UBE2W: variants seen among roughly 807,000 people sequenced by gnomAD.
UBE2W encodes ubiquitin-conjugating enzyme E2 W.
Under a neutral mutation model 27.2 loss-of-function variants are expected in UBE2W, and 18 were observed. That is an observed-to-expected ratio of 0.66 (90% CI 0.46 to 0.98). UBE2W has a LOEUF of 0.98. UBE2W is among the 50% of genes least tolerant of loss of function. The probability of loss-of-function intolerance (pLI) is 0.00; values close to 1 mark genes in which losing one functional copy is unlikely to be tolerated. For synonymous variants in UBE2W, 53 were observed against 57.2 expected, an observed-to-expected ratio of 0.93 and a Z score of 0.33; for missense variants, 90 against 180.2, an observed-to-expected ratio of 0.50 and a Z score of 2.87.
At chr8:73,860,136 G>A (rs564963127) in intron 1 of UBE2W, among the ~76,000 whole-genome samples, 1 of 151,690 alleles carries the variant, frequency 6.6e-6, no homozygotes, top group East Asian at 1.9e-4. Flanking sequence ...ATCTACTATG[G>A]GGGGCAGGGG....
intron 5 of UBE2W, among the ~76,000 whole-genome samples, chr8:73,804,940 C>G (rs557652165): frequency 1.3e-3 from 202 of 151,934 alleles, no homozygotes; most frequent in Non-Finnish European, 2.2e-3. Context: ...CCAAGCTAGT[C>G]TTGAACTCCT....
At chr8:73,859,413 G>A (rs1342516053) in intron 1 of UBE2W, among the ~76,000 whole-genome samples, 1 of 152,220 alleles carries the variant, frequency 6.6e-6, no homozygotes, top group East Asian at 1.9e-4. Context: ...GGCTGAAGCA[G>A]GAGAATCACT....
intron 1 of UBE2W, among the ~76,000 whole-genome samples, chr8:73,843,238 C>G (rs1351837438): frequency 1.3e-5 from 2 of 151,982 alleles, no homozygotes; most frequent in Non-Finnish European, 2.9e-5. Flanking sequence ...TAAAGATGTT[C>G]TAAAGTCAGA....
intron 5 of UBE2W, among the ~76,000 whole-genome samples, chr8:73,795,327 T>C (rs1341183357): frequency 6.6e-6 from 1 of 152,130 alleles, no homozygotes; most frequent in Admixed American, 6.6e-5. Context: ...TTAGTTCACA[T>C]GAGATCTGGC....
chr8:73,813,646 CCAGAGGTGAATTTACAT>C (rs1298393479), intron 3 of UBE2W, among the ~76,000 whole-genome samples: 3 of 114,774 alleles, frequency 2.6e-5, no homozygotes, highest in African/African-American at 1.1e-4. Flanking sequence ...AATTTACATG[CCAGAGGTGAATTTACAT>C]GCCAGAGGTG....
chr8:73,849,348 C>T (rs1008512930), intron 1 of UBE2W, among the ~76,000 whole-genome samples: 12 of 151,570 alleles, frequency 7.9e-5, no homozygotes, highest in Non-Finnish European at 1.6e-4. Flanking sequence ...CCCGTCTCTA[C>T]TAAAAATACA....
intron 1 of UBE2W, among the ~76,000 whole-genome samples, chr8:73,874,715 C>A (rs1275824780): frequency 1.3e-5 from 2 of 152,176 alleles, no homozygotes. Flanking sequence ...AAATGTAGAT[C>A]TGTTTAACTC....
At chr8:73,800,167 G>T (rs948604334) in intron 5 of UBE2W, among the ~76,000 whole-genome samples, 2 of 150,842 alleles carry the variant, frequency 1.3e-5, no homozygotes, top group African/African-American at 5.0e-5. Context: ...TAAAAGTGAA[G>T]GAAAAAAAAG....
downstream of UBE2W, among the ~76,000 whole-genome samples, chr8:73,783,004 G>C (rs929161248): frequency 1.3e-5 from 2 of 152,074 alleles, no homozygotes; most frequent in African/African-American, 4.8e-5. Context: ...TTTGTATTTT[G>C]CTAAGGACTA....
Position 73,788,859 on chromosome 8 carries a change from A to C in UBE2W, c.*5243T>G, listed in dbSNP as rs1808074141. The C allele has an allele frequency of 1.0e-6, 1 of 985,184 alleles. No individual in the cohort carries two copies. 61.0% of individuals were successfully genotyped at this position (985,184 alleles called of 1,614,324 possible). ...CCTTTTCCCAGTCAACTCCTCACTC[A>C]CCATATTAAAACTGGAGTTCTTGAG... On this transcript the variant is annotated 3_prime_UTR_variant, in exon 6 of 6. Transcript: ENST00000602593.
intron 1 of UBE2W, among the ~76,000 whole-genome samples, chr8:73,850,929 G>C (rs1011174156): frequency 2.0e-4 from 30 of 151,684 alleles, no homozygotes; most frequent in African/African-American, 7.0e-4. Flanking sequence ...GCGCAATCTC[G>C]GCTTAATGCA....
chr8:73,851,471 A>G (rs1811077425), intron 1 of UBE2W, among the ~76,000 whole-genome samples: 1 of 152,214 alleles, frequency 6.6e-6, no homozygotes, highest in Non-Finnish European at 1.5e-5. Context: ...AAAAATATAC[A>G]TTTTTAAAAA....
intron 5 of UBE2W, chr8:73,795,854 G>C: frequency 3.6e-6 from 3 of 828,180 alleles, no homozygotes; most frequent in Non-Finnish European, 4.4e-6. Flanking sequence ...GGCTGAGGTG[G>C]ATGGACTGCT....
At chr8:73,805,474 A>AAAAAAAAAAAAAAAAC (rs1563578043) in intron 5 of UBE2W, among the ~76,000 whole-genome samples, 177 bp downstream of exon 5, 1 of 144,334 alleles carries the variant, frequency 6.9e-6, no homozygotes, top group African/African-American at 2.5e-5. Context: ...AAAAAAAACA[A>AAAAAAAAAAAAAAAAC]AAAAAACTAG....
intron 1 of UBE2W, among the ~76,000 whole-genome samples, chr8:73,848,840 T>C (rs1434256005): frequency 1.3e-5 from 2 of 152,206 alleles, no homozygotes; most frequent in Non-Finnish European, 2.9e-5. Flanking sequence ...ATTCACTTTG[T>C]GAATATATGA....
In UBE2W at chr8:73,850,725, T is replaced by TAAAA. The variant is rs11318665; in HGVS notation, c.16-20257_16-20254dup. The stretch of plus-strand genomic sequence containing the variant: ...TAGTGAGGTACAATCAGCAGGACAT[T>TAAAA]AAAAAAAAAAAAAAAAAAAAAAAAA... On this transcript the variant is annotated intron_variant, in intron 1 of 5. Transcript: ENST00000602593. Among the ~76,000 whole-genome samples, 93 of 63,586 alleles carry TAAAA rather than the reference T, an allele frequency of 1.5e-3. 2 individuals are homozygous for TAAAA. The highest frequency in any genetic ancestry group is 4.1e-3 in the African/African-American group (73 of 17,716). 41.7% of individuals were successfully genotyped at this position (63,586 alleles called of 152,430 possible).
chr8:73,868,602 T>C (rs1427735766), intron 1 of UBE2W, among the ~76,000 whole-genome samples: 2 of 151,976 alleles, frequency 1.3e-5, no homozygotes, highest in Non-Finnish European at 2.9e-5. Flanking sequence ...GTGACTGGTG[T>C]CTAAAGTGGG....
At chr8:73,781,929 C>CTTTTTT (rs71269945), downstream of UBE2W, among the ~76,000 whole-genome samples, 6 of 96,016 alleles carry the variant, frequency 6.2e-5, no homozygotes, top group Admixed American at 2.4e-4. Context: ...TAAAAGCCTC[C>CTTTTTT]TTTTTTTTTT....
intron 5 of UBE2W, among the ~76,000 whole-genome samples, chr8:73,797,507 C>T (rs1231731794): frequency 6.6e-6 from 1 of 152,160 alleles, no homozygotes; most frequent in Non-Finnish European, 1.5e-5. Context: ...AGTTTGGACT[C>T]AGGAATTTAG....
Sources: allele counts gnomAD v4.1 joint callset (sites outside exome capture counted in the v4.1 genomes callset), GRCh38; gene constraint gnomAD v4.1.1; transcripts MANE v1.5; gene names NCBI Gene and HGNC (gene_info 2026-07-23, HGNC 2026-07-21).